BIN1: variants seen among roughly 807,000 people sequenced by gnomAD.
The protein encoded by BIN1 is bridging integrator 1, also known as myc box-dependent-interacting protein 1.
BIN1 carries 53 observed loss-of-function variants against 82.0 expected under a neutral mutation model. The observed-to-expected ratio is 0.65, with a 90% CI of 0.52 to 0.81. The LOEUF (loss-of-function observed/expected upper bound fraction) is 0.81, where lower values mean the gene tolerates loss of function less well. Among genes scored for constraint, BIN1 ranks in the 40% least tolerant of loss-of-function variants. The probability of loss-of-function intolerance (pLI) is 0.00; values close to 1 mark genes in which losing one functional copy is unlikely to be tolerated. For missense variants in BIN1, 642 were observed against 784.4 expected (o/e 0.82, Z 2.17); for synonymous variants, 302 against 328.0 (o/e 0.92, Z 0.86).
In BIN1 at chr2:127,063,623, G is replaced by C; in HGVS notation, c.722C>G (p.Thr241Arg). The change falls in exon 9 of 19, where the codon ACG becomes AGG. Residue 241 changes from threonine (T) to arginine (R), a missense_variant. Thr to Arg is a moderately conservative substitution (Grantham distance 71). Coordinates refer to ENST00000316724, the MANE Select transcript of BIN1 (RefSeq NM_139343.3). ...CTCCAGGCCCGCGATGCTCTGGAAC[G>C]TGTTGACGTAGAAACCTACGCGGCT... ...WNSRVGFYVNTFQSIAGLEEN... is the reference protein window; with the variant it reads ...WNSRVGFYVNRFQSIAGLEEN... 1 of 1,613,988 alleles carries C rather than the reference G, an allele frequency of 6.2e-7. No individual in the cohort carries two copies. The highest frequency in any genetic ancestry group is 8.5e-7 in the Non-Finnish European group (1 of 1,179,964).
chr2:127,075,035 C>T (rs1686412220), intron 2 of BIN1, among the ~76,000 whole-genome samples: 1 of 152,174 alleles, frequency 6.6e-6, no homozygotes, highest in Non-Finnish European at 1.5e-5. Flanking sequence ...CCACCACCTC[C>T]ACCCCTAACC....
intron 1 of BIN1, among the ~76,000 whole-genome samples, chr2:127,084,334 G>A (rs1040971014): frequency 1.3e-5 from 2 of 152,244 alleles, no homozygotes; most frequent in Non-Finnish European, 2.9e-5. Context: ...TGCGAGGAGG[G>A]TGGTGAGGAT....
chr2:127,076,727 G>C, intron 1 of BIN1, 21 bp from the exon 2 acceptor site: 1 of 1,613,884 alleles, frequency 6.2e-7, no homozygotes, highest in South Asian at 1.1e-5. Flanking sequence ...CAAGAGAGAA[G>C]GGGAGAGTGT....
intron 7 of BIN1, among the ~76,000 whole-genome samples, chr2:127,064,564 C>G (rs1183742564): frequency 6.6e-6 from 1 of 152,246 alleles, no homozygotes; most frequent in Non-Finnish European, 1.5e-5. Flanking sequence ...CAGGGATGGT[C>G]CTTCCCACAA....
At chr2:127,062,728 T>G (rs1684665442) in intron 9 of BIN1, among the ~76,000 whole-genome samples, 1 of 152,250 alleles carries the variant, frequency 6.6e-6, no homozygotes, top group Admixed American at 6.5e-5. Context: ...CTATGTTCTG[T>G]GGCATATATT....
intron 15 of BIN1, 24 bp downstream of exon 15, chr2:127,052,231 C>T: frequency 6.4e-7 from 1 of 1,555,340 alleles, no homozygotes; most frequent in African/African-American, 1.4e-5. Flanking sequence ...ACAAGCCAGA[C>T]AGGGGCTGGA....
intron 1 of BIN1, among the ~76,000 whole-genome samples, chr2:127,100,204 A>C (rs1413464976): frequency 6.6e-6 from 1 of 152,204 alleles, no homozygotes; most frequent in Non-Finnish European, 1.5e-5. Flanking sequence ...TGCGTGCATG[A>C]ACCCCCATCT....
rs35920137 is a variant in BIN1, at chr2:127,067,526, G to A, written c.612+637C>T. 0.016 allele frequency among the ~76,000 whole-genome samples: 2,445 copies of A among 152,260 alleles called. 26 individuals carry two copies. The highest frequency in any genetic ancestry group is 0.027 in the Non-Finnish European group (1,812 of 68,008). ...GTGGTGCTGGTCACTTGCCCTCCAT[G>A]AATCCCCAAAGGCCAAGGACCCATG... On this transcript the variant is annotated intron_variant, in intron 7 of 18. Coordinates refer to ENST00000316724, the MANE Select transcript of BIN1 (RefSeq NM_139343.3). This position sits in a 1 kb window ranked among gnomAD's most constrained non-coding sequence, Gnocchi z 4.7.
Position 127,048,412 on chromosome 2 carries a change from G to T in BIN1, c.*114C>A. 2 of 1,055,120 alleles carry T rather than the reference G, an allele frequency of 1.9e-6. No individual in the cohort carries two copies. The highest frequency in any genetic ancestry group is 2.9e-6 in the Non-Finnish European group (2 of 697,754). The allele number at this position is 1,055,120 out of a possible 1,614,324, so 65.4% of individuals were successfully genotyped here. On this transcript the variant is annotated 3_prime_UTR_variant, in exon 19 of 19. Transcript: ENST00000316724. The stretch of plus-strand genomic sequence containing the variant: ...CCCCTCTGCCTGGGGGTCTCCTCTT[G>T]ATTTCCCTTTGCTCTTCAAAAGATG...
chr2:127,099,005 C>T (rs962824663), intron 1 of BIN1, among the ~76,000 whole-genome samples: 1 of 152,192 alleles, frequency 6.6e-6, no homozygotes, highest in Non-Finnish European at 1.5e-5. Flanking sequence ...TGATGAGGAG[C>T]GATCCTGGGT....
At position 127,062,212 on chromosome 2, in the gene BIN1, G is replaced by A. The variant is rs367719456; in HGVS notation, c.775-15C>T. On this transcript the variant is annotated splice_polypyrimidine_tract_variant and intron_variant, in intron 9 of 18. Coordinates refer to ENST00000316724, the MANE Select transcript of BIN1 (RefSeq NM_139343.3). ...TTCTGGTTGAGCTGCAGGAGAGACA[G>A]TGAGGAGGTGGGGGGCCTCCAAGGC... 1.2e-4 allele frequency: 198 copies of A among 1,593,252 alleles called. No homozygotes were observed. Among genetic ancestry groups the A allele is most frequent in the Non-Finnish European group, 1.5e-4 (181 of 1,169,308 alleles).
chr2:127,071,122 T>A (rs1685837482), intron 2 of BIN1, among the ~76,000 whole-genome samples: 1 of 151,792 alleles, frequency 6.6e-6, no homozygotes, highest in Non-Finnish European at 1.5e-5. Flanking sequence ...TACGGCTGAA[T>A]GACACACAAA....
intron 10 of BIN1, chr2:127,060,764 T>G: frequency 7.7e-7 from 1 of 1,292,540 alleles, no homozygotes; most frequent in Non-Finnish European, 1.1e-6. Flanking sequence ...AAGCCTCTCC[T>G]AAGTGCCAGA....
intron 1 of BIN1, among the ~76,000 whole-genome samples, chr2:127,094,605 C>T (rs1426759536): frequency 2.0e-5 from 3 of 152,204 alleles, no homozygotes; most frequent in South Asian, 2.1e-4. Context: ...TGGAGTGGCG[C>T]GGAGCCGACT....
intron 10 of BIN1, chr2:127,060,571 C>T: frequency 6.2e-7 from 1 of 1,614,024 alleles, no homozygotes; most frequent in South Asian, 1.1e-5. Context: ...CCTCTGCGCC[C>T]CTCCGCAGCA....
intron 1 of BIN1, among the ~76,000 whole-genome samples, chr2:127,088,559 G>A (rs1044983120): frequency 6.6e-5 from 10 of 152,110 alleles, no homozygotes; most frequent in Non-Finnish European, 1.3e-4. Context: ...AACATAGTGA[G>A]ATCCTACCCC....
At chr2:127,066,978 G>A (rs1685219637) in intron 7 of BIN1, among the ~76,000 whole-genome samples, 1 of 151,586 alleles carries the variant, frequency 6.6e-6, no homozygotes. Context: ...GGCTGAGGCA[G>A]AAGGATTGCT....
intron 1 of BIN1, among the ~76,000 whole-genome samples, chr2:127,104,079 A>T (rs1680702297): frequency 6.6e-6 from 1 of 152,246 alleles, no homozygotes; most frequent in African/African-American, 2.4e-5. Flanking sequence ...CCTGCCTGAG[A>T]CAGCATCGGG....
At chr2:127,058,391 T>C (rs1010796427) in intron 11 of BIN1, among the ~76,000 whole-genome samples, 8 of 152,258 alleles carry the variant, frequency 5.3e-5, no homozygotes, top group Admixed American at 5.2e-4. Flanking sequence ...AACGGGGAGC[T>C]GCAGGATCCC....
Sources: allele counts gnomAD v4.1 joint callset (sites outside exome capture counted in the v4.1 genomes callset), GRCh38; gene constraint gnomAD v4.1.1; non-coding constraint Gnocchi (gnomAD v3.1); transcripts MANE v1.5; gene names NCBI Gene and HGNC (gene_info 2026-07-23, HGNC 2026-07-21).